The following KCNJ16 variants were observed in gnomAD, a reference collection of about 807,000 sequenced individuals.
KCNJ16 encodes the protein inward rectifier potassium channel 16.
In KCNJ16, 15 loss-of-function variants were observed where a neutral mutation model predicts 18.5. That is an observed-to-expected ratio of 0.81 (90% CI 0.54 to 1.25). The LOEUF (loss-of-function observed/expected upper bound fraction) is 1.25, where lower values mean the gene tolerates loss of function less well. Among genes scored for constraint, KCNJ16 ranks in the 50% most tolerant of loss-of-function variants. The pLI is 0.00. For synonymous variants in KCNJ16, 174 were observed against 186.5 expected, an observed-to-expected ratio of 0.93 and a Z score of 0.55; for missense variants, 523 against 525.7, an observed-to-expected ratio of 0.99 and a Z score of 0.05.
At chr17:70,095,607 T>C (rs919191110) in intron 1 of KCNJ16, among the ~76,000 whole-genome samples, 11 of 152,312 alleles carry the variant, frequency 7.2e-5, no homozygotes, top group Middle Eastern at 3.4e-3. Context: ...ATCGTGCCTG[T>C]CTTCCTTGCA....
intron 2 of KCNJ16, among the ~76,000 whole-genome samples, chr17:70,105,301 G>A (rs1176196362): frequency 6.6e-6 from 1 of 152,102 alleles, no homozygotes. Context: ...AAAAATGTCA[G>A]TGCCATTTGC....
At chr17:70,131,312 T>G in intron 3 of KCNJ16, 2 of 1,154,346 alleles carry the variant, frequency 1.7e-6, no homozygotes, top group Non-Finnish European at 2.1e-6. Flanking sequence ...TTAGGTCCAC[T>G]GAGGTTAAGA....
chr17:70,092,358 T>G (rs1230264875), intron 1 of KCNJ16, among the ~76,000 whole-genome samples: 1 of 152,154 alleles, frequency 6.6e-6, no homozygotes, highest in African/African-American at 2.4e-5. Flanking sequence ...TTTTACAACC[T>G]AAGAATAGCA....
chr17:70,131,703 AT>A (rs202160188), intron 3 of KCNJ16, among the ~76,000 whole-genome samples: 19 of 151,884 alleles, frequency 1.3e-4, no homozygotes, highest in South Asian at 6.3e-4. Flanking sequence ...AATAAAGCAG[AT>A]TTTTTTTTAT....
At chr17:70,098,518 CTT>C (rs1026694064) in intron 1 of KCNJ16, among the ~76,000 whole-genome samples, 2 of 150,324 alleles carry the variant, frequency 1.3e-5, no homozygotes, top group African/African-American at 4.9e-5. Flanking sequence ...TTGAAATCTT[CTT>C]TCTTTTCCCT....
At chr17:70,096,312 T>C (rs544273913) in intron 1 of KCNJ16, among the ~76,000 whole-genome samples, 97 of 152,320 alleles carry the variant, frequency 6.4e-4, no homozygotes, top group African/African-American at 2.3e-3. Context: ...TGCCTGTGGA[T>C]AGTTCAAATT....
At chr17:70,077,180 G>A (rs762568845) in intron 1 of KCNJ16, among the ~76,000 whole-genome samples, 3 of 152,218 alleles carry the variant, frequency 2.0e-5, no homozygotes, top group Non-Finnish European at 4.4e-5. Flanking sequence ...GGGAGTAGCA[G>A]GGAATACATG....
intron 2 of KCNJ16, among the ~76,000 whole-genome samples, chr17:70,126,257 T>C (rs1355669400): frequency 6.6e-6 from 1 of 152,240 alleles, no homozygotes; most frequent in Non-Finnish European, 1.5e-5. Context: ...CTGGGTCTGT[T>C]AGGTCGTAGG....
intron 1 of KCNJ16, among the ~76,000 whole-genome samples, chr17:70,079,477 T>C (rs1294542099): frequency 2.0e-5 from 3 of 152,204 alleles, no homozygotes; most frequent in African/African-American, 7.2e-5. Flanking sequence ...CAAGTTGACA[T>C]ATAAAATTAA....
intron 1 of KCNJ16, among the ~76,000 whole-genome samples, chr17:70,097,212 C>T (rs11077473): frequency 0.84 from 126,932 of 152,000 alleles, 53,152 homozygotes; most frequent in East Asian, 0.96. Flanking sequence ...CGGGGATCCA[C>T]ACAAAGGACA....
intron 2 of KCNJ16, among the ~76,000 whole-genome samples, chr17:70,107,681 AT>A (rs35929091): frequency 0.09 from 13,615 of 150,768 alleles, 706 homozygotes; most frequent in African/African-American, 0.14. Context: ...ATGGCTCACA[AT>A]TTTTTTAAAA....
chr17:70,117,305 G>A (rs552930917), intron 2 of KCNJ16, among the ~76,000 whole-genome samples: 1 of 152,156 alleles, frequency 6.6e-6, no homozygotes, highest in East Asian at 1.9e-4. Flanking sequence ...CTACTAGAAG[G>A]GAGAGCGGGC....
intron 3 of KCNJ16, chr17:70,131,611 A>C (rs2074060974): frequency 2.7e-6 from 1 of 369,962 alleles, no homozygotes; most frequent in African/African-American, 2.2e-5. Flanking sequence ...ACTGCTAGAC[A>C]CATATCTGAA....
intron 2 of KCNJ16, among the ~76,000 whole-genome samples, chr17:70,124,968 A>G (rs1432023642): frequency 6.6e-6 from 1 of 152,058 alleles, no homozygotes; most frequent in Non-Finnish European, 1.5e-5. Context: ...TGATGGTTGT[A>G]AAAAGAAAGG....
At chr17:70,084,633 G>A (rs1304108270) in intron 1 of KCNJ16, among the ~76,000 whole-genome samples, 5 of 152,118 alleles carry the variant, frequency 3.3e-5, no homozygotes, top group East Asian at 1.9e-4. Context: ...CTGGTAGAGC[G>A]GTGGTGCTGA....
Position 70,133,154 on chromosome 17 carries a change from C to T in KCNJ16, c.1067C>T (p.Ala356Val), listed in dbSNP as rs368559073. Reference protein sequence around the residue: ...WKDQQLHIEKAPPVRESCTSD... With the variant: ...WKDQQLHIEKVPPVRESCTSD... ...GACCAGCAGCTCCACATAGAAAAAGCACCACCAGTTCGAGAATCCTGCACG... is the reference window on the plus strand; with the variant it reads ...GACCAGCAGCTCCACATAGAAAAAGTACCACCAGTTCGAGAATCCTGCACG... The change falls in exon 4 of 4, where the codon GCA (alanine) becomes GTA (valine). Residue 356 changes from alanine to valine, a missense_variant. Physicochemically the swap from Ala to Val is moderately conservative, Grantham distance 64. Coordinates refer to ENST00000392671, the MANE Select transcript of KCNJ16 (RefSeq NM_170741.4). 46 of 1,614,078 alleles carry T rather than the reference C, an allele frequency of 2.8e-5. No homozygotes were observed. Among genetic ancestry groups the T allele is most frequent in the Non-Finnish European group, 3.6e-5 (43 of 1,180,048 alleles).
intron 1 of KCNJ16, among the ~76,000 whole-genome samples, chr17:70,095,952 G>A (rs1316129913): frequency 1.5e-5 from 2 of 129,578 alleles, no homozygotes; most frequent in African/African-American, 2.9e-5. Context: ...GCACTATCTC[G>A]GCTCACTGCA....
chr17:70,081,262 A>G (rs530286911), intron 1 of KCNJ16, among the ~76,000 whole-genome samples: 68 of 152,290 alleles, frequency 4.5e-4, no homozygotes, highest in Non-Finnish European at 7.8e-4. Context: ...GGAGTGGCTA[A>G]TTTGAACAAA....
intron 2 of KCNJ16, among the ~76,000 whole-genome samples, chr17:70,103,296 G>GTGTGTGTGTGTGTATATA (rs1408960241): frequency 5.0e-4 from 36 of 72,046 alleles, no homozygotes; most frequent in African/African-American, 1.2e-3. Flanking sequence ...ATGTGTGTGT[G>GTGTGTGTGTGTGTATATA]TATATATATA....
Sources: allele counts gnomAD v4.1 joint callset (sites outside exome capture counted in the v4.1 genomes callset), GRCh38; gene constraint gnomAD v4.1.1; transcripts MANE v1.5; gene names NCBI Gene and HGNC (gene_info 2026-07-23, HGNC 2026-07-21).